The following NRG1 variants were observed in gnomAD, a reference collection of about 807,000 sequenced individuals.
The protein encoded by NRG1 is neuregulin 1.
Under a neutral mutation model 63.8 loss-of-function variants are expected in NRG1, and 18 were observed. The ratio of observed to expected loss-of-function variants is 0.28; its 90% confidence interval spans 0.19 to 0.42. The LOEUF is 0.42. NRG1 is among the 10% of genes least tolerant of loss of function. The pLI is 1.00. For missense variants in NRG1, 762 were observed against 814.7 expected (o/e 0.94, Z 0.79); for synonymous variants, 302 against 301.3 (o/e 1.00, Z -0.02).
chr8:32,339,651 G>A (rs1478287249), intron 1 of NRG1, among the ~76,000 whole-genome samples: 1 of 152,122 alleles, frequency 6.6e-6, no homozygotes, highest in African/African-American at 2.4e-5. Context: ...AATTTAATCT[G>A]TACAACCAAT....
intron 1 of NRG1, among the ~76,000 whole-genome samples, chr8:32,452,304 A>G (rs1821057849): frequency 6.6e-6 from 1 of 152,212 alleles, no homozygotes; most frequent in African/African-American, 2.4e-5. Context: ...TGTGATGTGA[A>G]CTAAAGAGGG....
At chr8:32,520,575 A>G in intron 1 of NRG1, among the ~76,000 whole-genome samples, 1 of 152,196 alleles carries the variant, frequency 6.6e-6, no homozygotes, top group East Asian at 1.9e-4. Flanking sequence ...TGCCAGCAAT[A>G]TAGGAAAGAA....
At chr8:32,675,363 C>T (rs181140198) in intron 5 of NRG1, among the ~76,000 whole-genome samples, 1 of 152,258 alleles carries the variant, frequency 6.6e-6, no homozygotes. Context: ...GATTTAGACT[C>T]CTTACACATT....
At chr8:32,565,371 C>CT (rs748128162) in intron 1 of NRG1, among the ~76,000 whole-genome samples, 35 of 152,184 alleles carry the variant, frequency 2.3e-4, no homozygotes, top group Middle Eastern at 3.2e-3. Context: ...GATCCTTCTA[C>CT]TTTGGCCTCC....
At chr8:32,315,815 A>G (rs916567778) in intron 1 of NRG1, among the ~76,000 whole-genome samples, 1 of 152,210 alleles carries the variant, frequency 6.6e-6, no homozygotes, top group Admixed American at 6.5e-5. Context: ...CCTGATATGA[A>G]CATCACAGAG....
At chr8:32,748,856 C>T in intron 7 of NRG1, 1 of 323,700 alleles carries the variant, frequency 3.1e-6, no homozygotes, top group Non-Finnish European at 6.0e-6. Context: ...GAAGGAGTCT[C>T]CAGTGTCCCA....
chr8:32,154,772 A>C (rs1197012398), intron 1 of NRG1, among the ~76,000 whole-genome samples: 1 of 152,164 alleles, frequency 6.6e-6, no homozygotes, highest in Non-Finnish European at 1.5e-5. Flanking sequence ...AAAAACCAGC[A>C]CATATTCCCT....
chr8:32,728,873 G>C (rs1251283151), intron 6 of NRG1, among the ~76,000 whole-genome samples: 1 of 152,064 alleles, frequency 6.6e-6, no homozygotes, highest in Non-Finnish European at 1.5e-5. Flanking sequence ...AGACCATCCT[G>C]GCTAACACCG....
chr8:31,895,257 G>T (rs2129614473), intron 1 of NRG1, among the ~76,000 whole-genome samples: 1 of 152,326 alleles, frequency 6.6e-6, no homozygotes, highest in African/African-American at 2.4e-5. Flanking sequence ...TACAGCTAAA[G>T]CCAGGTCCCC....
intron 1 of NRG1, among the ~76,000 whole-genome samples, chr8:32,282,430 C>T (rs560810701): frequency 6.6e-6 from 1 of 152,220 alleles, no homozygotes; most frequent in Non-Finnish European, 1.5e-5. Flanking sequence ...TTACTGTCCG[C>T]CTTCCATGAG....
intron 5 of NRG1, 108 bp from the exon 6 acceptor site, chr8:32,727,841 A>G: frequency 1.8e-6 from 2 of 1,135,838 alleles, no homozygotes; most frequent in Non-Finnish European, 2.5e-6. Flanking sequence ...GTTTAGTGAA[A>G]TCTGTACCTT....
chr8:31,838,452 A>G (rs954262164), intron 1 of NRG1, among the ~76,000 whole-genome samples: 1 of 152,144 alleles, frequency 6.6e-6, no homozygotes, highest in Non-Finnish European at 1.5e-5. Context: ...TATGAAATTT[A>G]GATTCAGCTT....
chr8:31,916,784 A>G (rs1228543321), intron 1 of NRG1, among the ~76,000 whole-genome samples: 2 of 151,836 alleles, frequency 1.3e-5, no homozygotes, highest in African/African-American at 4.8e-5. Context: ...CGCCACACTG[A>G]CTTCCACAAT....
chr8:32,478,891 A>G (rs1162858621), intron 1 of NRG1, among the ~76,000 whole-genome samples: 2 of 152,206 alleles, frequency 1.3e-5, no homozygotes, highest in Non-Finnish European at 2.9e-5. Flanking sequence ...ATCAGCAAAG[A>G]GTATAATTGA....
At chr8:32,065,614 T>C (rs1376482422) in intron 1 of NRG1, among the ~76,000 whole-genome samples, 1 of 152,236 alleles carries the variant, frequency 6.6e-6, no homozygotes, top group Non-Finnish European at 1.5e-5. Context: ...GTTCCAAGTC[T>C]TTGCTATTGT....
At chr8:31,808,848 A>G (rs542248889) in intron 1 of NRG1, among the ~76,000 whole-genome samples, 1 of 152,184 alleles carries the variant, frequency 6.6e-6, no homozygotes, top group South Asian at 2.1e-4. Context: ...ATGTGAACAT[A>G]AGGTGTCTAT....
intron 1 of NRG1, among the ~76,000 whole-genome samples, chr8:32,549,529 C>G (rs1013463790): frequency 9.2e-5 from 14 of 152,174 alleles, no homozygotes; most frequent in African/African-American, 3.4e-4. Context: ...CTTAACAGTT[C>G]TATTTTTCAA....
At chr8:32,029,971 T>C (rs1046752451) in intron 1 of NRG1, among the ~76,000 whole-genome samples, 1 of 152,182 alleles carries the variant, frequency 6.6e-6, no homozygotes, top group African/African-American at 2.4e-5. Context: ...TTTAAAGTTA[T>C]ATAAAACATT....
At chr8:32,332,943 G>T (rs895734803) in intron 1 of NRG1, among the ~76,000 whole-genome samples, 2 of 152,124 alleles carry the variant, frequency 1.3e-5, no homozygotes, top group African/African-American at 4.8e-5. Context: ...GAAAGGAAAG[G>T]TTACCTGGAA....
Sources: gnomAD v4.1 joint callset for allele counts (sites outside exome capture counted in the v4.1 genomes callset) on GRCh38, gnomAD v4.1.1 for gene constraint, MANE v1.5 for transcripts, NCBI Gene and HGNC (gene_info 2026-07-23, HGNC 2026-07-21) for gene names.